Variants in FHIT observed in about 807,000 individuals in gnomAD.
The protein encoded by FHIT is bis(5'-adenosyl)-triphosphatase.
FHIT carries 19 observed loss-of-function variants against 17.9 expected under a neutral mutation model. That is an observed-to-expected ratio of 1.06 (90% CI 0.74 to 1.56). The LOEUF (loss-of-function observed/expected upper bound fraction) is 1.56, where lower values mean the gene tolerates loss of function less well. Among genes scored for constraint, FHIT ranks in the 40% most tolerant of loss-of-function variants. The probability of loss-of-function intolerance (pLI) is 0.00; values close to 1 mark genes in which losing one functional copy is unlikely to be tolerated. For missense variants in FHIT, 248 were observed against 189.2 expected (o/e 1.31, Z -1.82); for synonymous variants, 81 against 69.7 (o/e 1.16, Z -0.81).
At chr3:61,167,428 G>C in intron 2 of FHIT, among the ~76,000 whole-genome samples, 1 of 151,658 alleles carries the variant, frequency 6.6e-6, no homozygotes, top group East Asian at 1.9e-4. Flanking sequence ...ATTGAGGTCA[G>C]GAGTTCGAGA....
At chr3:59,838,372 C>G (rs1386552252) in intron 8 of FHIT, among the ~76,000 whole-genome samples, 2 of 152,202 alleles carry the variant, frequency 1.3e-5, no homozygotes, top group African/African-American at 4.8e-5. Context: ...CTCTCACAAA[C>G]TAATTCAAAC....
chr3:60,316,362 A>G (rs748768877), intron 5 of FHIT, among the ~76,000 whole-genome samples: 4 of 152,218 alleles, frequency 2.6e-5, no homozygotes, highest in Non-Finnish European at 5.9e-5. Flanking sequence ...ACATGACAGT[A>G]TAAGTGCAAT....
At chr3:60,912,230 C>T (rs1355506400) in intron 3 of FHIT, among the ~76,000 whole-genome samples, 2 of 152,116 alleles carry the variant, frequency 1.3e-5, no homozygotes, top group Non-Finnish European at 2.9e-5. Flanking sequence ...ATCTGAAGGC[C>T]TGAAGCTCAT....
chr3:61,040,864 C>T (rs1470805862), intron 3 of FHIT, among the ~76,000 whole-genome samples: 2 of 152,176 alleles, frequency 1.3e-5, no homozygotes, highest in African/African-American at 2.4e-5. Flanking sequence ...AGCCCATAAC[C>T]AGCTGAGGGC....
At chr3:61,197,001 G>A (rs149123174) in intron 2 of FHIT, among the ~76,000 whole-genome samples, 233 of 152,300 alleles carry the variant, frequency 1.5e-3, no homozygotes, top group African/African-American at 5.4e-3. Context: ...CCATTTAGAA[G>A]AGAGAGGAGC....
chr3:60,764,966 C>T (rs782398868), intron 4 of FHIT, among the ~76,000 whole-genome samples: 3 of 152,124 alleles, frequency 2.0e-5, no homozygotes, highest in Non-Finnish European at 2.9e-5. Flanking sequence ...CTACGCAAGC[C>T]ATCAGATATT....
chr3:60,797,080 T>A (rs1701009264), intron 4 of FHIT, among the ~76,000 whole-genome samples: 1 of 152,326 alleles, frequency 6.6e-6, no homozygotes, highest in Admixed American at 6.5e-5. Flanking sequence ...ATTTCAAAGT[T>A]GTTTGCAAAA....
At chr3:60,848,701 T>C (rs1037536717) in intron 3 of FHIT, among the ~76,000 whole-genome samples, 6 of 152,234 alleles carry the variant, frequency 3.9e-5, no homozygotes, top group Non-Finnish European at 7.3e-5. Flanking sequence ...CATATTGTTA[T>C]AAAGATGAAA....
intron 5 of FHIT, among the ~76,000 whole-genome samples, chr3:60,227,516 T>G (rs190518650): frequency 6.6e-6 from 1 of 152,198 alleles, no homozygotes; most frequent in African/African-American, 2.4e-5. Flanking sequence ...TCTTCAAATT[T>G]TGTGACACCT....
chr3:60,072,500 C>T (rs1357033317), intron 5 of FHIT, among the ~76,000 whole-genome samples: 1 of 152,186 alleles, frequency 6.6e-6, no homozygotes, highest in African/African-American at 2.4e-5. Context: ...ATTTAAGAGC[C>T]TGTGCATGCT....
At chr3:60,439,877 G>T (rs923481920) in intron 5 of FHIT, among the ~76,000 whole-genome samples, 18 of 152,058 alleles carry the variant, frequency 1.2e-4, no homozygotes, top group African/African-American at 4.3e-4. Context: ...TGTGCTGTGG[G>T]CAAGAGATGC....
At chr3:60,626,620 A>C (rs1040645534) in intron 4 of FHIT, among the ~76,000 whole-genome samples, 1 of 152,028 alleles carries the variant, frequency 6.6e-6, no homozygotes. Flanking sequence ...AAGATCTTCT[A>C]TATATAAGAT....
chr3:59,843,655 T>C (rs1448232643), intron 8 of FHIT, among the ~76,000 whole-genome samples: 1 of 152,240 alleles, frequency 6.6e-6, no homozygotes, highest in Non-Finnish European at 1.5e-5. Context: ...TATTTTATTC[T>C]TTTTAATTCT....
chr3:59,767,901 C>G (rs1417824424), intron 8 of FHIT, among the ~76,000 whole-genome samples: 1 of 152,188 alleles, frequency 6.6e-6, no homozygotes, highest in Non-Finnish European at 1.5e-5. Flanking sequence ...CTAAGCAATA[C>G]AGACTAAATT....
chr3:60,701,833 T>C (rs1317125425), intron 4 of FHIT, among the ~76,000 whole-genome samples: 3 of 152,200 alleles, frequency 2.0e-5, no homozygotes, highest in African/African-American at 7.2e-5. Flanking sequence ...GGGAAAGGGC[T>C]GTTATCATCT....
rs555631131 is a variant in FHIT, at chr3:60,795,299, G to A, written c.-18+26620C>T. Among the ~76,000 whole-genome samples, 82 of 152,274 alleles carry A rather than the reference G, an allele frequency of 5.4e-4. 1 individual carries two copies. Among genetic ancestry groups the A allele is most frequent in the African/African-American group, 1.9e-3 (80 of 41,562 alleles). ...AATTATTTGCTTCTGAAAGCATAAAGACCTGTGGCTTTTTAAGATCTTTGA... is the reference window on the plus strand; with the variant it reads ...AATTATTTGCTTCTGAAAGCATAAAAACCTGTGGCTTTTTAAGATCTTTGA... On this transcript the variant is annotated intron_variant, in intron 4 of 9. Transcript: ENST00000492590.
At chr3:60,321,287 C>G (rs1709414762) in intron 5 of FHIT, among the ~76,000 whole-genome samples, 1 of 152,066 alleles carries the variant, frequency 6.6e-6, no homozygotes, top group South Asian at 2.1e-4. Flanking sequence ...CAAGATCAGC[C>G]TGGGCAACAT....
Position 60,676,402 on chromosome 3 carries a change from G to A in FHIT, c.-17-139423C>T, listed in dbSNP as rs536143620. 1.4e-4 allele frequency among the ~76,000 whole-genome samples: 22 copies of A among 152,290 alleles called. No homozygotes were observed. The East Asian group carries it at 4.3e-3, about 29-fold the overall frequency. On this transcript the variant is annotated intron_variant, in intron 4 of 9. Transcript: ENST00000492590. ...AAGGCTGCAATCTGGAAAGGACGAT[G>A]GTTGGAAGGGCAGGTGGATGATTGG...
chr3:60,362,695 C>T (rs935588375), intron 5 of FHIT, among the ~76,000 whole-genome samples: 14 of 152,182 alleles, frequency 9.2e-5, no homozygotes, highest in African/African-American at 3.1e-4. Context: ...CTCACCTATT[C>T]AATAGTAACT....
Sources: allele counts gnomAD v4.1 joint callset (sites outside exome capture counted in the v4.1 genomes callset), GRCh38; gene constraint gnomAD v4.1.1; transcripts MANE v1.5; gene names NCBI Gene and HGNC (gene_info 2026-07-23, HGNC 2026-07-21).